Variants in TMCO5A observed in about 807,000 individuals in gnomAD.
The protein encoded by TMCO5A is transmembrane and coiled-coil domain-containing protein 5A.
Under a neutral mutation model 42.3 loss-of-function variants are expected in TMCO5A, and 34 were observed. The observed-to-expected ratio is 0.80, with a 90% CI of 0.61 to 1.07. The LOEUF (loss-of-function observed/expected upper bound fraction) is 1.07. Among genes scored for constraint, TMCO5A ranks in the 50% least tolerant of loss-of-function variants. The pLI is 0.00. For synonymous variants in TMCO5A, 131 were observed against 115.6 expected, an observed-to-expected ratio of 1.13 and a Z score of -0.86; for missense variants, 357 against 327.9, an observed-to-expected ratio of 1.09 and a Z score of -0.69.
At chr15:37,994,213 C>T in the TMCO5A span, among the ~76,000 whole-genome samples, 1 of 152,154 alleles carries the variant, frequency 6.6e-6, no homozygotes, top group Non-Finnish European at 1.5e-5. Flanking sequence ...CAGTGAAAGC[C>T]TAGTGACCCC....
At chr15:37,969,833 CCATTCATGTTGCTGCAAAGGA>C (rs1363951946), downstream of TMCO5A, among the ~76,000 whole-genome samples, 1 of 152,116 alleles carries the variant, frequency 6.6e-6, no homozygotes, top group East Asian at 1.9e-4. Flanking sequence ...GCCTCAAACT[CCATTCATGTTGCTGCAAAGGA>C]CATAATCTTG....
intron 11 of TMCO5A, among the ~76,000 whole-genome samples, chr15:37,964,782 G>A (rs545076573): frequency 1.2e-4 from 18 of 152,204 alleles, no homozygotes; most frequent in African/African-American, 4.3e-4. Context: ...AAAATGGAAA[G>A]TTATTCCAAG....
intron 11 of TMCO5A, among the ~76,000 whole-genome samples, chr15:37,957,398 G>A (rs921033538): frequency 6.6e-6 from 1 of 152,100 alleles, no homozygotes; most frequent in Non-Finnish European, 1.5e-5. Context: ...CAAAGTCTCA[G>A]GATACAAAAT....
At chr15:37,951,930 A>G (rs751044906), downstream of TMCO5A, among the ~76,000 whole-genome samples, 1 of 152,034 alleles carries the variant, frequency 6.6e-6, no homozygotes, top group Admixed American at 6.6e-5. Flanking sequence ...TGGTGTGGAG[A>G]GCATTTCTGT....
the TMCO5A span, among the ~76,000 whole-genome samples, chr15:38,011,941 G>A: frequency 6.6e-6 from 1 of 152,036 alleles, no homozygotes; most frequent in African/African-American, 2.4e-5. Context: ...TGGCTCACAT[G>A]GTGAAATCCC....
the TMCO5A span, among the ~76,000 whole-genome samples, chr15:38,002,133 T>C: frequency 6.6e-6 from 1 of 152,144 alleles, no homozygotes; most frequent in South Asian, 2.1e-4. Context: ...CAACTTTTGT[T>C]TGTCTGGGAA....
chr15:37,964,530 C>T (rs1890511301), intron 11 of TMCO5A, among the ~76,000 whole-genome samples: 2 of 152,058 alleles, frequency 1.3e-5, no homozygotes, highest in Admixed American at 1.3e-4. Flanking sequence ...GCTTCTCTCC[C>T]TGTCTGAGTT....
the TMCO5A span, among the ~76,000 whole-genome samples, chr15:38,031,674 ACCAATATTTTGG>A: frequency 1.3e-5 from 2 of 152,112 alleles, no homozygotes; most frequent in African/African-American, 2.4e-5. Context: ...TACAGCCCCA[ACCAATATTTTGG>A]TTGCAACCCC....
the TMCO5A span, among the ~76,000 whole-genome samples, chr15:37,990,563 TAA>T: frequency 5.3e-5 from 8 of 151,592 alleles, no homozygotes; most frequent in African/African-American, 7.3e-5. Flanking sequence ...TGGGATTTTT[TAA>T]AATTTATTCT....
intron 10 of TMCO5A, among the ~76,000 whole-genome samples, chr15:37,944,603 A>G (rs1400698817): frequency 2.0e-5 from 3 of 151,942 alleles, no homozygotes; most frequent in African/African-American, 7.2e-5. Flanking sequence ...CCACAGCTCT[A>G]ATTTTTTTTA....
the TMCO5A span, chr15:38,040,541 C>T: frequency 6.6e-6 from 1 of 152,106 alleles, no homozygotes; most frequent in Non-Finnish European, 1.5e-5. Context: ...AAGGTGGAAA[C>T]AAGCCAAATG....
At chr15:37,949,736 C>T (rs574919982) in intron 11 of TMCO5A, among the ~76,000 whole-genome samples, 3 of 151,858 alleles carry the variant, frequency 2.0e-5, no homozygotes, top group South Asian at 2.1e-4. Flanking sequence ...ATCTTCAAAA[C>T]TCTGTATTAT....
the TMCO5A span, among the ~76,000 whole-genome samples, chr15:38,017,288 T>C: frequency 6.6e-6 from 1 of 152,082 alleles, no homozygotes; most frequent in Non-Finnish European, 1.5e-5. Flanking sequence ...GGAGGGGTGA[T>C]GGAGGAGTGC....
chr15:37,970,403 T>C (rs148020023), downstream of TMCO5A, among the ~76,000 whole-genome samples: 1 of 152,130 alleles, frequency 6.6e-6, no homozygotes, highest in African/African-American at 2.4e-5. Context: ...GATTCAACTA[T>C]CTCCCACCAG....
chr15:38,002,989 T>C, the TMCO5A span, among the ~76,000 whole-genome samples: 1 of 152,184 alleles, frequency 6.6e-6, no homozygotes, highest in African/African-American at 2.4e-5. Flanking sequence ...TTTGTGCCCA[T>C]CCTTCTTGGG....
chr15:37,955,881 T>A (rs552194508), downstream of TMCO5A, among the ~76,000 whole-genome samples: 43 of 152,202 alleles, frequency 2.8e-4, no homozygotes, highest in African/African-American at 9.9e-4. Context: ...AGAATGGAAA[T>A]CATAACAAAC....
chr15:37,963,791 C>T (rs1024018795), intron 11 of TMCO5A, among the ~76,000 whole-genome samples: 3 of 152,134 alleles, frequency 2.0e-5, no homozygotes, highest in East Asian at 1.9e-4. Flanking sequence ...CAAGGCCTTT[C>T]GCCATTATAC....
At chr15:37,996,582 A>G in the TMCO5A span, among the ~76,000 whole-genome samples, 48 of 152,242 alleles carry the variant, frequency 3.2e-4, no homozygotes, top group African/African-American at 1.1e-3. Context: ...CTTAGGTAAC[A>G]TTAAGATGCC....
chr15:37,981,200 CAAA>C, the TMCO5A span, among the ~76,000 whole-genome samples: 479 of 65,312 alleles, frequency 7.3e-3, 4 homozygotes, highest in African/African-American at 0.025. Flanking sequence ...AGAAAGCCAG[CAAA>C]AAAAAAAAAA....
Sources: gnomAD v4.1 joint callset for allele counts (sites outside exome capture counted in the v4.1 genomes callset) on GRCh38, gnomAD v4.1.1 for gene constraint, MANE v1.5 for transcripts, NCBI Gene and HGNC (gene_info 2026-07-23, HGNC 2026-07-21) for gene names.